The following KATNAL2 variants were observed in gnomAD, a reference collection of about 807,000 sequenced individuals.
KATNAL2 encodes the protein katanin catalytic subunit A1 like 2, also known as katanin p60 ATPase-containing subunit A-like 2.
KATNAL2 carries 52 observed loss-of-function variants against 76.3 expected under a neutral mutation model. That is an observed-to-expected ratio of 0.68 (90% CI 0.55 to 0.86). The LOEUF is 0.86. Among genes scored for constraint, KATNAL2 ranks in the 40% least tolerant of loss-of-function variants. KATNAL2 has a pLI of 0.00. For synonymous variants in KATNAL2, 243 were observed against 244.2 expected, an observed-to-expected ratio of 1.00 and a Z score of 0.05; for missense variants, 660 against 668.9, an observed-to-expected ratio of 0.99 and a Z score of 0.15.
At chr18:47,064,337 C>T (rs2061724074) in intron 10 of KATNAL2, among the ~76,000 whole-genome samples, 1 of 152,250 alleles carries the variant, frequency 6.6e-6, no homozygotes, top group Non-Finnish European at 1.5e-5. Context: ...TGGGCATAGG[C>T]ACTTCCATGA....
chr18:47,046,773 C>G (rs982046159), intron 4 of KATNAL2, among the ~76,000 whole-genome samples: 2 of 151,998 alleles, frequency 1.3e-5, no homozygotes, highest in Non-Finnish European at 2.9e-5. Context: ...AACTGAAGTC[C>G]ATAGTTTACA....
intron 8 of KATNAL2, among the ~76,000 whole-genome samples, chr18:47,062,352 A>G (rs2061660183): frequency 6.6e-6 from 1 of 152,010 alleles, no homozygotes; most frequent in South Asian, 2.1e-4. Flanking sequence ...CCACTGCATA[A>G]CAGAGTGAGA....
Position 47,101,262 on chromosome 18 carries a change from CAATT to C in KATNAL2, c.*259_*262del, listed in dbSNP as rs1327298431. ...GGTCATACAATGGAGATTTTTCTGACAATTAGACTCCATAAAATTTTAATGAACA... is the reference window on the plus strand; with the variant it reads ...GGTCATACAATGGAGATTTTTCTGACAGACTCCATAAAATTTTAATGAACA... On this transcript the variant is annotated 3_prime_UTR_variant, in exon 18 of 18. Coordinates refer to ENST00000683218, the MANE Select transcript of KATNAL2 (RefSeq NM_001387690.1). 5.9e-6 allele frequency: 2 copies of C among 340,520 alleles called. No individual in the cohort carries two copies. The highest frequency in any genetic ancestry group is 1.1e-5 in the Non-Finnish European group (2 of 182,736). The allele number at this position is 340,520 out of a possible 1,614,324, so 21.1% of individuals were successfully genotyped here.
At chr18:47,090,904 T>C (rs2062974558) in intron 15 of KATNAL2, among the ~76,000 whole-genome samples, 1 of 152,190 alleles carries the variant, frequency 6.6e-6, no homozygotes, top group African/African-American at 2.4e-5. Context: ...TGGCTCCCTA[T>C]TATCAACCAC....
intron 15 of KATNAL2, among the ~76,000 whole-genome samples, chr18:47,092,157 C>T (rs745557939): frequency 1.1e-4 from 16 of 152,050 alleles, no homozygotes; most frequent in Non-Finnish European, 1.0e-4. Context: ...TACTGCTGAA[C>T]GGCACTGAAT....
intron 1 of KATNAL2, among the ~76,000 whole-genome samples, chr18:46,933,459 A>G (rs2058994355): frequency 6.6e-6 from 1 of 152,160 alleles, no homozygotes; most frequent in Non-Finnish European, 1.5e-5. Flanking sequence ...AAAATAAACC[A>G]GAGGTAGGTC....
intron 15 of KATNAL2, among the ~76,000 whole-genome samples, chr18:47,082,352 T>C (rs2062566575): frequency 6.6e-6 from 1 of 152,218 alleles, no homozygotes; most frequent in Non-Finnish European, 1.5e-5. Flanking sequence ...AATATGTCTT[T>C]AGACATTGCC....
intron 1 of KATNAL2, among the ~76,000 whole-genome samples, chr18:46,925,621 T>G (rs906635168): frequency 6.6e-6 from 1 of 152,354 alleles, no homozygotes; most frequent in Non-Finnish European, 1.5e-5. Context: ...GAGGATTCCC[T>G]CTTTTTCTAT....
chr18:47,071,021 C>G (rs2061978685), intron 13 of KATNAL2, among the ~76,000 whole-genome samples: 1 of 152,136 alleles, frequency 6.6e-6, no homozygotes, highest in African/African-American at 2.4e-5. Flanking sequence ...CCTTCAACTG[C>G]ACGGGTCTAC....
chr18:47,035,313 C>G (rs533832703), intron 3 of KATNAL2: 1 of 1,610,256 alleles, frequency 6.2e-7, no homozygotes, highest in Non-Finnish European at 8.5e-7. Flanking sequence ...GCAGCTCTGT[C>G]TTTGGGGCTG....
intron 14 of KATNAL2, 134 bp from the exon 15 acceptor site, chr18:47,077,217 C>G (rs2062278238): frequency 1.7e-6 from 1 of 599,180 alleles, no homozygotes; most frequent in Non-Finnish European, 3.0e-6. Flanking sequence ...TTCTCTAACT[C>G]TAGTATGAAC....
intron 1 of KATNAL2, among the ~76,000 whole-genome samples, chr18:46,942,774 T>G (rs1250495053): frequency 6.6e-6 from 1 of 152,264 alleles, no homozygotes; most frequent in Non-Finnish European, 1.5e-5. Flanking sequence ...CTGGATATGA[T>G]TCTAATGATT....
chr18:47,034,282 C>T (rs749469146), intron 3 of KATNAL2: 5 of 1,613,818 alleles, frequency 3.1e-6, no homozygotes, highest in Non-Finnish European at 3.4e-6. Context: ...GCCGTGTGTC[C>T]CATTTCCTGG....
intron 1 of KATNAL2, among the ~76,000 whole-genome samples, chr18:46,943,966 C>T (rs1213327821): frequency 6.6e-6 from 1 of 152,158 alleles, no homozygotes; most frequent in Non-Finnish European, 1.5e-5. Flanking sequence ...TTTTTCTTCC[C>T]TCTTGTATCT....
intron 3 of KATNAL2, chr18:47,023,604 C>CT: frequency 4.4e-6 from 1 of 229,686 alleles, no homozygotes; most frequent in Non-Finnish European, 6.9e-6. Flanking sequence ...AGCCCCAGGC[C>CT]TTTTCCCGCT....
intron 3 of KATNAL2, among the ~76,000 whole-genome samples, chr18:47,046,007 A>G (rs1452900637): frequency 1.3e-5 from 2 of 152,186 alleles, no homozygotes; most frequent in Non-Finnish European, 2.9e-5. Context: ...TCATCTCTGC[A>G]TTTGGCAAGG....
chr18:46,958,647 G>A (rs2059837015), intron 3 of KATNAL2, among the ~76,000 whole-genome samples: 1 of 152,150 alleles, frequency 6.6e-6, no homozygotes, highest in African/African-American at 2.4e-5. Flanking sequence ...TAAATTTAGT[G>A]TTTAATACAA....
At chr18:46,924,532 T>G (rs1474612076) in intron 1 of KATNAL2, among the ~76,000 whole-genome samples, 3 of 152,206 alleles carry the variant, frequency 2.0e-5, no homozygotes, top group Non-Finnish European at 2.9e-5. Flanking sequence ...TTTGTTCTTT[T>G]GGCTTAGGAT....
intron 3 of KATNAL2, among the ~76,000 whole-genome samples, chr18:46,961,920 G>T (rs892229344): frequency 2.6e-5 from 4 of 152,200 alleles, no homozygotes; most frequent in Non-Finnish European, 5.9e-5. Context: ...TTGCTACTAA[G>T]AATATAAGTT....
Sources: allele counts gnomAD v4.1 joint callset (sites outside exome capture counted in the v4.1 genomes callset), GRCh38; gene constraint gnomAD v4.1.1; transcripts MANE v1.5; gene names NCBI Gene and HGNC (gene_info 2026-07-23, HGNC 2026-07-21).